Variants in SOX11 observed in about 807,000 individuals in gnomAD.
SOX11 encodes SRY-box transcription factor 11.
Under a neutral mutation model 16.7 loss-of-function variants are expected in SOX11, and 5 were observed. That is an observed-to-expected ratio of 0.30 (90% CI 0.16 to 0.63). The LOEUF (loss-of-function observed/expected upper bound fraction) is 0.63. Among genes scored for constraint, SOX11 ranks in the 20% least tolerant of loss-of-function variants. The probability of loss-of-function intolerance (pLI) is 0.82; values close to 1 mark genes in which losing one functional copy is unlikely to be tolerated. For synonymous variants in SOX11, 363 were observed against 298.8 expected, an observed-to-expected ratio of 1.21 and a Z score of -2.22; for missense variants, 492 against 641.5, an observed-to-expected ratio of 0.77 and a Z score of 2.52.
At position 5,699,190 on chromosome 2, in the gene SOX11, T is replaced by A. The variant is rs1460590795; in HGVS notation, c.*5143T>A. 1 of 166,992 alleles carries A rather than the reference T, an allele frequency of 6.0e-6. No homozygotes were observed. The highest frequency in any genetic ancestry group is 1.5e-5 in the Non-Finnish European group (1 of 68,114). 10.3% of individuals were successfully genotyped at this position (166,992 alleles called of 1,614,324 possible). ...CTGAGGCAAATATATTTGTGCTTTTTTCTTATGTAGGAAGACCAGCGAAAA... is the reference window on the plus strand; with the variant it reads ...CTGAGGCAAATATATTTGTGCTTTTATCTTATGTAGGAAGACCAGCGAAAA... On this transcript the variant is annotated 3_prime_UTR_variant, in exon 1 of 1. Coordinates refer to ENST00000322002, the MANE Select transcript of SOX11 (RefSeq NM_003108.4).
rs992453458 is a variant in SOX11, at chr2:5,694,534, A to C, written c.*487A>C. ...TCTTTGAAGTCTGGAAGACGTCTGCAGAGGACCCTTTTGGCAGCACAACTG... is the reference window on the plus strand; with the variant it reads ...TCTTTGAAGTCTGGAAGACGTCTGCCGAGGACCCTTTTGGCAGCACAACTG... On this transcript the variant is annotated 3_prime_UTR_variant, in exon 1 of 1. Coordinates refer to ENST00000322002, the MANE Select transcript of SOX11 (RefSeq NM_003108.4). 2.1e-5 allele frequency: 6 copies of C among 279,372 alleles called. No homozygotes were observed. Among genetic ancestry groups the C allele is most frequent in the Non-Finnish European group, 4.2e-5 (6 of 142,522 alleles). 17.3% of individuals were successfully genotyped at this position (279,372 alleles called of 1,614,324 possible). A position where few individuals can be genotyped will look rare whatever the true frequency, so the allele number is the denominator to read the frequency against.
At position 5,698,212 on chromosome 2, in the gene SOX11, C is replaced by T. The variant is rs1035833656; in HGVS notation, c.*4165C>T. On this transcript the variant is annotated 3_prime_UTR_variant, in exon 1 of 1. Transcript: ENST00000322002. Reference sequence around the variant, plus strand: ...TCTTAATGAATTCTTTATTGAGTGTCTAAAACATAGTATAATACACATGGT... The same window carrying T: ...TCTTAATGAATTCTTTATTGAGTGTTTAAAACATAGTATAATACACATGGT... 1.8e-5 allele frequency: 3 copies of T among 167,024 alleles called. No individual in the cohort carries two copies. Among genetic ancestry groups the T allele is most frequent in the Admixed American group, 6.5e-5 (1 of 15,278 alleles). The allele number at this position is 167,024 out of a possible 1,614,324, so 10.3% of individuals were successfully genotyped here.
In SOX11 at chr2:5,699,075, T is replaced by G. The variant is rs974702396; in HGVS notation, c.*5028T>G. 6.0e-6 allele frequency: 1 copy of G among 167,072 alleles called. No homozygotes were observed. Among genetic ancestry groups the G allele is most frequent in the African/African-American group, 2.4e-5 (1 of 41,452 alleles). 10.3% of individuals were successfully genotyped at this position (167,072 alleles called of 1,614,324 possible). A position where few individuals can be genotyped will look rare whatever the true frequency, so the allele number is the denominator to read the frequency against. The stretch of plus-strand genomic sequence containing the variant: ...CTTCTAATGGGCATATGTATCCTTG[T>G]GGACACTTTGAGAGAGGTTTTCTTG... On this transcript the variant is annotated 3_prime_UTR_variant, in exon 1 of 1. Transcript: ENST00000322002.
Position 5,693,014 on chromosome 2 carries a change from T to G in SOX11, c.293T>G (p.Phe98Cys). The G allele has an allele frequency of 6.2e-7, 1 of 1,614,106 alleles. No individual in the cohort carries two copies. Among genetic ancestry groups the G allele is most frequent in the Admixed American group, 1.7e-5 (1 of 60,028 alleles). ...CTGAAGGACAGCGAGAAGATCCCGT[T>G]CATCCGGGAGGCGGAGCGGCTGCGG... ...KMLKDSEKIP[F>C]IREAERLRLK... Residue 98 changes from phenylalanine (F) to cysteine (C), a missense_variant, in exon 1 of 1, where the codon TTC becomes TGC. By Grantham distance (205) the Phe-to-Cys change is radical (BLOSUM62 -2). Coordinates refer to ENST00000322002, the MANE Select transcript of SOX11 (RefSeq NM_003108.4). This position sits in a 1 kb window ranked among gnomAD's most constrained non-coding sequence, Gnocchi z 8.6.
chr2:5,693,650 G>T lies in SOX11; in HGVS notation c.929G>T (p.Arg310Leu). Residue 310 changes from arginine to leucine, a missense_variant, in exon 1 of 1, where the codon CGC becomes CTC. Arg to Leu is a moderately radical substitution (Grantham distance 102). Transcript: ENST00000322002. This position sits in a 1 kb window ranked among gnomAD's most constrained non-coding sequence, Gnocchi z 8.6. ...GATSGAGGGS[R>L]LYYSFKNITK... The stretch of plus-strand genomic sequence containing the variant: ...ACCTCGGGCGCCGGGGGCGGCAGCC[G>T]CCTCTACTACAGCTTCAAGAACATC... 3 of 1,592,030 alleles carry T rather than the reference G, an allele frequency of 1.9e-6. No individual in the cohort carries two copies. The highest frequency in any genetic ancestry group is 2.6e-6 in the Non-Finnish European group (3 of 1,175,894).
In SOX11 at chr2:5,695,800, T is replaced by C. The variant is rs1252386124; in HGVS notation, c.*1753T>C. ...AAAGTGTTCAATTAGCAGGCTGATT[T>C]CTTTTTCCTCTTCCGCTAGTTGTGA... is the stretch of plus-strand genomic sequence containing the variant. On this transcript the variant is annotated 3_prime_UTR_variant, in exon 1 of 1. Coordinates refer to ENST00000322002, the MANE Select transcript of SOX11 (RefSeq NM_003108.4). The C allele has an allele frequency of 6.0e-6, 1 of 167,226 alleles. No homozygotes were observed. The highest frequency in any genetic ancestry group is 1.5e-5 in the Non-Finnish European group (1 of 68,168). 10.4% of individuals were successfully genotyped at this position (167,226 alleles called of 1,614,324 possible).
At position 5,696,738 on chromosome 2, in the gene SOX11, G is replaced by A. The variant is rs2103279347; in HGVS notation, c.*2691G>A. 6.6e-6 allele frequency: 1 copy of A among 152,078 alleles called. No individual in the cohort carries two copies. The highest frequency in any genetic ancestry group is 1.5e-5 in the Non-Finnish European group (1 of 67,924). 9.4% of individuals were successfully genotyped at this position (152,078 alleles called of 1,614,324 possible). ...CGCGGGCCGGGGAGGGAAGCCTCGG[G>A]GCTGCGGGGTGAGAGGAAGAAAGCA... On this transcript the variant is annotated 3_prime_UTR_variant, in exon 1 of 1. Coordinates refer to ENST00000322002, the MANE Select transcript of SOX11 (RefSeq NM_003108.4).
rs1665649452 is a variant in SOX11, at chr2:5,692,479, C to T, written c.-243C>T. 6.6e-6 allele frequency among the ~76,000 whole-genome samples: 1 copy of T among 151,100 alleles called. No homozygotes were observed. Among genetic ancestry groups the T allele is most frequent in the African/African-American group, 2.4e-5 (1 of 41,096 alleles). On this transcript the variant is annotated 5_prime_UTR_variant, in exon 1 of 1. Coordinates refer to ENST00000322002, the MANE Select transcript of SOX11 (RefSeq NM_003108.4). Reference sequence around the variant, plus strand: ...AGGGGTCCCGGGCTGCCTCGACCGCCGTCGCCACCGCCTCTCCTGTCGCGA... The same window carrying T: ...AGGGGTCCCGGGCTGCCTCGACCGCTGTCGCCACCGCCTCTCCTGTCGCGA...
Position 5,693,621 on chromosome 2 carries a change from C to G in SOX11, c.900C>G (p.Gly300=), listed in dbSNP as rs1352066726. ...GASLYDEVRA[G]ATSGAGGGSR... ...GCCTCTACGACGAGGTGCGGGCCGG[C>G]GCGACCTCGGGCGCCGGGGGCGGCA... is the stretch of plus-strand genomic sequence containing the variant. The change falls in exon 1 of 1, where the codon GGC becomes GGG. Residue 300 remains glycine (G), a synonymous_variant. Transcript: ENST00000322002. This position sits in a 1 kb window ranked among gnomAD's most constrained non-coding sequence, Gnocchi z 8.6. The G allele has an allele frequency of 3.2e-6, 5 of 1,570,280 alleles. No homozygotes were observed. The East Asian group carries it at 1.2e-4, about 37-fold the overall frequency.
chr2:5,693,003 G>A lies in SOX11; in HGVS notation c.282G>A (p.Glu94=). The A allele has an allele frequency of 6.2e-7, 1 of 1,614,194 alleles. No homozygotes were observed. Among genetic ancestry groups the A allele is most frequent in the South Asian group, 1.1e-5 (1 of 91,090 alleles). ...GKRWKMLKDS[E]KIPFIREAER... is the part of the protein sequence containing the mutation. Reference sequence around the variant, plus strand: ...GCTGGAAAATGCTGAAGGACAGCGAGAAGATCCCGTTCATCCGGGAGGCGG... The same window carrying A: ...GCTGGAAAATGCTGAAGGACAGCGAAAAGATCCCGTTCATCCGGGAGGCGG... The change falls in exon 1 of 1, where the codon GAG becomes GAA. Residue 94 remains glutamate (E), a synonymous_variant. Coordinates refer to ENST00000322002, the MANE Select transcript of SOX11 (RefSeq NM_003108.4). This position sits in a 1 kb window ranked among gnomAD's most constrained non-coding sequence, Gnocchi z 8.6.
chr2:5,696,910 G>T lies in SOX11; in HGVS notation c.*2863G>T. ...TCCGCATCTTGATTGTTCTCCGGGAGCCTCCTGGGGGCTCCGGCGGCGGCG... is the reference window on the plus strand; with the variant it reads ...TCCGCATCTTGATTGTTCTCCGGGATCCTCCTGGGGGCTCCGGCGGCGGCG... On this transcript the variant is annotated 3_prime_UTR_variant, in exon 1 of 1. Coordinates refer to ENST00000322002, the MANE Select transcript of SOX11 (RefSeq NM_003108.4). 1 of 161,524 alleles carries T rather than the reference G, an allele frequency of 6.2e-6. No homozygotes were observed. The allele number at this position is 161,524 out of a possible 1,614,324, so 10.0% of individuals were successfully genotyped here. A position where few individuals can be genotyped will look rare whatever the true frequency, so the allele number is the denominator to read the frequency against.
Position 5,698,665 on chromosome 2 carries a change from C to G in SOX11, c.*4618C>G, listed in dbSNP as rs1242872471. 1 of 166,956 alleles carries G rather than the reference C, an allele frequency of 6.0e-6. No homozygotes were observed. Among genetic ancestry groups the G allele is most frequent in the Non-Finnish European group, 1.5e-5 (1 of 68,100 alleles). The allele number at this position is 166,956 out of a possible 1,614,324, so 10.3% of individuals were successfully genotyped here. On this transcript the variant is annotated 3_prime_UTR_variant, in exon 1 of 1. Coordinates refer to ENST00000322002, the MANE Select transcript of SOX11 (RefSeq NM_003108.4). ...GCAAATTATTTGTAGAATGATTATC[C>G]TTTAGCTAGAGAAAGAAATCATTAC...
chr2:5,695,603 T>C lies in SOX11; in HGVS notation c.*1556T>C, dbSNP rs1665714830. On this transcript the variant is annotated 3_prime_UTR_variant, in exon 1 of 1. Coordinates refer to ENST00000322002, the MANE Select transcript of SOX11 (RefSeq NM_003108.4). Reference sequence around the variant, plus strand: ...TTTTTTTGTGCTGGAAGTCTGTATCTTGACAATTTTAATAAATCAGCTGGA... The same window carrying C: ...TTTTTTTGTGCTGGAAGTCTGTATCCTGACAATTTTAATAAATCAGCTGGA... 1 of 163,700 alleles carries C rather than the reference T, an allele frequency of 6.1e-6. No homozygotes were observed. The highest frequency in any genetic ancestry group is 2.5e-5 in the African/African-American group (1 of 39,992). 10.1% of individuals were successfully genotyped at this position (163,700 alleles called of 1,614,324 possible).
Position 5,700,458 on chromosome 2 carries a change from T to C in SOX11, c.*6411T>C, listed in dbSNP as rs996787220. 6.0e-6 allele frequency: 1 copy of C among 165,708 alleles called. No individual in the cohort carries two copies. Among genetic ancestry groups the C allele is most frequent in the Non-Finnish European group, 1.5e-5 (1 of 67,954 alleles). 10.3% of individuals were successfully genotyped at this position (165,708 alleles called of 1,614,324 possible). The stretch of plus-strand genomic sequence containing the variant: ...AAGGACAACTGGAAGTAATTTATCA[T>C]ATAAAGAATTTTGATCAAATAGATA... On this transcript the variant is annotated 3_prime_UTR_variant, in exon 1 of 1. Coordinates refer to ENST00000322002, the MANE Select transcript of SOX11 (RefSeq NM_003108.4).
rs186254244 is a variant in SOX11, at chr2:5,698,330, G to C, written c.*4283G>C. ...TCTTATTTTTAACTAAGCATTGACA[G>C]AATATCTTAAAATGGTAACCTGGGG... On this transcript the variant is annotated 3_prime_UTR_variant, in exon 1 of 1. Transcript: ENST00000322002. 816 of 166,948 alleles carry C rather than the reference G, an allele frequency of 4.9e-3. 5 individuals are homozygous for C. Among genetic ancestry groups the C allele is most frequent in the Non-Finnish European group, 7.8e-3 (529 of 68,040 alleles). 10.3% of individuals were successfully genotyped at this position (166,948 alleles called of 1,614,324 possible).
Position 5,694,165 on chromosome 2 carries a change from G to T in SOX11, c.*118G>T. 1 of 1,323,704 alleles carries T rather than the reference G, an allele frequency of 7.6e-7. No homozygotes were observed. 82.0% of individuals were successfully genotyped at this position (1,323,704 alleles called of 1,614,324 possible). A position where few individuals can be genotyped will look rare whatever the true frequency, so the allele number is the denominator to read the frequency against. On this transcript the variant is annotated 3_prime_UTR_variant, in exon 1 of 1. Coordinates refer to ENST00000322002, the MANE Select transcript of SOX11 (RefSeq NM_003108.4). ...GATGATGATGGTGGTGTTGATGGTG[G>T]CGGTGGTAGGGTGGAGGGGAGAGAA... is the stretch of plus-strand genomic sequence containing the variant.
rs1184852213 is a variant in SOX11, at chr2:5,696,707, C to T, written c.*2660C>T. Reference sequence around the variant, plus strand: ...CGCGGAGACACCAGCGCTGGCTTCCCGGGCCCGCGGGCCGGGGAGGGAAGC... The same window carrying T: ...CGCGGAGACACCAGCGCTGGCTTCCTGGGCCCGCGGGCCGGGGAGGGAAGC... On this transcript the variant is annotated 3_prime_UTR_variant, in exon 1 of 1. Coordinates refer to ENST00000322002, the MANE Select transcript of SOX11 (RefSeq NM_003108.4). 3 of 151,728 alleles carry T rather than the reference C, an allele frequency of 2.0e-5. No individual in the cohort carries two copies. Among genetic ancestry groups the T allele is most frequent in the African/African-American group, 7.3e-5 (3 of 41,342 alleles). 9.4% of individuals were successfully genotyped at this position (151,728 alleles called of 1,614,324 possible).
rs1235323586 is a variant in SOX11, at chr2:5,696,409, G to C, written c.*2362G>C. 1 of 161,866 alleles carries C rather than the reference G, an allele frequency of 6.2e-6. No individual in the cohort carries two copies. Among genetic ancestry groups the C allele is most frequent in the African/African-American group, 2.4e-5 (1 of 41,468 alleles). The allele number at this position is 161,866 out of a possible 1,614,324, so 10.0% of individuals were successfully genotyped here. A position where few individuals can be genotyped will look rare whatever the true frequency, so the allele number is the denominator to read the frequency against. On this transcript the variant is annotated 3_prime_UTR_variant, in exon 1 of 1. Coordinates refer to ENST00000322002, the MANE Select transcript of SOX11 (RefSeq NM_003108.4). ...CGGGACCCAGGCTACGAGCGGGAGG[G>C]AGGCGGGAGTCGGGGGAAGACGCGG...
At position 5,696,333 on chromosome 2, in the gene SOX11, C is replaced by G. The variant is rs952862906; in HGVS notation, c.*2286C>G. 1 of 167,930 alleles carries G rather than the reference C, an allele frequency of 6.0e-6. No homozygotes were observed. Among genetic ancestry groups the G allele is most frequent in the African/African-American group, 2.4e-5 (1 of 41,464 alleles). The allele number at this position is 167,930 out of a possible 1,614,324, so 10.4% of individuals were successfully genotyped here. ...CCTTCTGTCCCCCGGGGCCGTGGAG[C>G]TGTCGGAGGGAAGGAGGACGGTGCG... On this transcript the variant is annotated 3_prime_UTR_variant, in exon 1 of 1. Coordinates refer to ENST00000322002, the MANE Select transcript of SOX11 (RefSeq NM_003108.4).
Sources: gnomAD v4.1 joint callset for allele counts (sites outside exome capture counted in the v4.1 genomes callset) on GRCh38, gnomAD v4.1.1 for gene constraint, Gnocchi (gnomAD v3.1) non-coding constraint, MANE v1.5 for transcripts, NCBI Gene and HGNC (gene_info 2026-07-23, HGNC 2026-07-21) for gene names.